Variants in PCDH15 observed in about 807,000 individuals in gnomAD.
The protein encoded by PCDH15 is protocadherin-15.
In PCDH15, 129 loss-of-function variants were observed where a neutral mutation model predicts 178.5. That is an observed-to-expected ratio of 0.72 (90% CI 0.63 to 0.84). The LOEUF (loss-of-function observed/expected upper bound fraction) is 0.84, where lower values mean the gene tolerates loss of function less well. PCDH15 is among the 40% of genes least tolerant of loss of function. The pLI is 0.00. For missense variants in PCDH15, 2,230 were observed against 2,099.9 expected (o/e 1.06, Z -1.21); for synonymous variants, 800 against 732.0 (o/e 1.09, Z -1.50).
intron 1 of PCDH15, among the ~76,000 whole-genome samples, chr10:54,765,342 C>T (rs527318209): frequency 4.6e-4 from 70 of 152,084 alleles, no homozygotes; most frequent in African/African-American, 1.5e-3. Flanking sequence ...ATTACATGCG[C>T]TATAATTCTC....
At chr10:55,468,728 T>C (rs1485469275) in intron 2 of PCDH15, among the ~76,000 whole-genome samples, 1 of 152,220 alleles carries the variant, frequency 6.6e-6, no homozygotes, top group East Asian at 1.9e-4. Flanking sequence ...GAATTTCATT[T>C]GAGATTTATA....
At chr10:55,398,775 A>G (rs796413803) in intron 2 of PCDH15, among the ~76,000 whole-genome samples, 7 of 152,204 alleles carry the variant, frequency 4.6e-5, no homozygotes, top group African/African-American at 1.7e-4. Context: ...GGGTTTTTTA[A>G]TGTCTTTTTA....
chr10:55,369,577 A>G (rs538132033), intron 2 of PCDH15, among the ~76,000 whole-genome samples: 40 of 152,194 alleles, frequency 2.6e-4, no homozygotes, highest in Middle Eastern at 3.4e-3. Flanking sequence ...ACATTAACTA[A>G]AAATATAATC....
intron 1 of PCDH15, among the ~76,000 whole-genome samples, chr10:55,234,521 A>G (rs1841318815): frequency 6.6e-6 from 1 of 151,544 alleles, no homozygotes; most frequent in Non-Finnish European, 1.5e-5. Context: ...CTCCCACCTC[A>G]GCCTCCCAAC....
At chr10:54,213,427 A>G (rs2051662249) in intron 10 of PCDH15, among the ~76,000 whole-genome samples, 1 of 152,200 alleles carries the variant, frequency 6.6e-6, no homozygotes, top group African/African-American at 2.4e-5. Flanking sequence ...TCATCTTTCA[A>G]TATAAAGAAA....
At chr10:55,234,851 A>T (rs1427682389) in intron 1 of PCDH15, among the ~76,000 whole-genome samples, 1 of 152,014 alleles carries the variant, frequency 6.6e-6, no homozygotes, top group Non-Finnish European at 1.5e-5. Context: ...TCGTTCATAA[A>T]TATGTCAAAA....
At chr10:54,677,905 C>G (rs1223330966) in intron 1 of PCDH15, among the ~76,000 whole-genome samples, 1 of 152,256 alleles carries the variant, frequency 6.6e-6, no homozygotes, top group East Asian at 1.9e-4. Context: ...CATTTAGGAC[C>G]ACTGTACTAT....
At chr10:54,960,492 T>G (rs1485323335) in intron 2 of PCDH15, among the ~76,000 whole-genome samples, 1 of 152,142 alleles carries the variant, frequency 6.6e-6, no homozygotes, top group African/African-American at 2.4e-5. Flanking sequence ...ATAAAAAAAC[T>G]AATACTCTTG....
intron 2 of PCDH15, among the ~76,000 whole-genome samples, chr10:55,596,408 A>G (rs930228954): frequency 3.9e-5 from 6 of 152,114 alleles, no homozygotes; most frequent in African/African-American, 1.4e-4. Context: ...GAAAAATTGT[A>G]AAGTATTTCA....
intron 2 of PCDH15, among the ~76,000 whole-genome samples, chr10:54,597,018 T>C (rs752441899): frequency 6.6e-6 from 1 of 152,116 alleles, no homozygotes; most frequent in Non-Finnish European, 1.5e-5. Flanking sequence ...ACACCCCCAC[T>C]GACAGTATTA....
chr10:53,804,175 A>ACTAT lies in PCDH15; in HGVS notation c.*2400_*2403dup, dbSNP rs1307869361. ...CTGTGTAAATTCTGCTTCTCTTTAT[A>ACTAT]CTATCTCCATTAAGTAACAGATGAT... is the stretch of plus-strand genomic sequence containing the variant. On this transcript the variant is annotated 3_prime_UTR_variant, in exon 38 of 38. Transcript: ENST00000644397. 2.6e-5 allele frequency: 4 copies of ACTAT among 151,934 alleles called. No homozygotes were observed. The highest frequency in any genetic ancestry group is 4.4e-5 in the Non-Finnish European group (3 of 67,880). 9.4% of individuals were successfully genotyped at this position (151,934 alleles called of 1,614,324 possible).
chr10:54,133,252 T>G (rs2042600631), intron 14 of PCDH15, among the ~76,000 whole-genome samples: 1 of 152,198 alleles, frequency 6.6e-6, no homozygotes, highest in Non-Finnish European at 1.5e-5. Context: ...TAGTATGAAT[T>G]AAAATGGAAT....
At chr10:54,031,776 T>C (rs932365041) in intron 18 of PCDH15, among the ~76,000 whole-genome samples, 2 of 152,090 alleles carry the variant, frequency 1.3e-5, no homozygotes, top group Non-Finnish European at 2.9e-5. Context: ...GATTATGACA[T>C]CAATGCTTCA....
At chr10:54,267,549 T>A (rs2057772248) in intron 8 of PCDH15, among the ~76,000 whole-genome samples, 1 of 150,656 alleles carries the variant, frequency 6.6e-6, no homozygotes. Flanking sequence ...CAAAGACGCC[T>A]AAAGTTGATT....
intron 2 of PCDH15, among the ~76,000 whole-genome samples, chr10:55,613,017 A>ATTTTTTTTTTTT (rs34403286): frequency 4.9e-5 from 4 of 82,386 alleles, no homozygotes; most frequent in East Asian, 6.4e-4. Flanking sequence ...TACTAGCCAG[A>ATTTTTTTTTTTT]TTTTTTTTTT....
chr10:54,561,619 A>G (rs1259490767), intron 2 of PCDH15, among the ~76,000 whole-genome samples: 2 of 152,128 alleles, frequency 1.3e-5, no homozygotes, highest in African/African-American at 2.4e-5. Context: ...TCTTCAAAAT[A>G]GGATATTATC....
intron 2 of PCDH15, among the ~76,000 whole-genome samples, chr10:54,581,549 T>C (rs2091039667): frequency 6.6e-6 from 1 of 151,978 alleles, no homozygotes; most frequent in Admixed American, 6.6e-5. Flanking sequence ...AAACTACCAA[T>C]GCCATTTTTA....
At chr10:55,590,114 C>G (rs888689256) in intron 2 of PCDH15, among the ~76,000 whole-genome samples, 1 of 151,084 alleles carries the variant, frequency 6.6e-6, no homozygotes, top group African/African-American at 2.4e-5. Context: ...ACATATACAC[C>G]ATGGAATACT....
intron 10 of PCDH15, among the ~76,000 whole-genome samples, chr10:54,197,767 C>A (rs1171421384): frequency 6.6e-6 from 1 of 151,910 alleles, no homozygotes; most frequent in African/African-American, 2.4e-5. Context: ...GACTTTTCAC[C>A]AAGAAATATT....
Sources: gnomAD v4.1 joint callset for allele counts (sites outside exome capture counted in the v4.1 genomes callset) on GRCh38, gnomAD v4.1.1 for gene constraint, MANE v1.5 for transcripts, NCBI Gene and HGNC (gene_info 2026-07-23, HGNC 2026-07-21) for gene names.